Variants in CDH12 observed in about 807,000 individuals in gnomAD.
The protein encoded by CDH12 is cadherin 12, also known as cadherin-12.
CDH12 carries 41 observed loss-of-function variants against 74.1 expected under a neutral mutation model. The ratio of observed to expected loss-of-function variants is 0.55; its 90% confidence interval spans 0.43 to 0.72. The LOEUF (loss-of-function observed/expected upper bound fraction) is 0.72. CDH12 is among the 30% of genes least tolerant of loss of function. The pLI is 0.00. For synonymous variants in CDH12, 399 were observed against 355.0 expected, an observed-to-expected ratio of 1.12 and a Z score of -1.39; for missense variants, 945 against 977.2, an observed-to-expected ratio of 0.97 and a Z score of 0.44.
chr5:21,972,282 C>T (rs1286962728), intron 6 of CDH12, among the ~76,000 whole-genome samples: 1 of 152,028 alleles, frequency 6.6e-6, no homozygotes, highest in African/African-American at 2.4e-5. Context: ...AACAGAAGCA[C>T]TCTCAATTAT....
Position 22,741,157 on chromosome 5 carries a change from G to C in CDH12, c.-523+111901C>G, listed in dbSNP as rs1479404147. Among the ~76,000 whole-genome samples the C allele has an allele frequency of 3.3e-5, 5 of 152,178 alleles. No homozygotes were observed. The Middle Eastern group carries it at 0.017, about 521-fold the overall frequency. On this transcript the variant is annotated intron_variant, in intron 1 of 14. Coordinates refer to ENST00000382254, the MANE Select transcript of CDH12 (RefSeq NM_004061.5). ...CTTGGACTGAATCATCCTCTCTAAAGGTAAGTCTACTTGAAGGAAAATTTT... is the reference window on the plus strand; with the variant it reads ...CTTGGACTGAATCATCCTCTCTAAACGTAAGTCTACTTGAAGGAAAATTTT...
At chr5:22,305,454 C>G (rs939770672) in intron 3 of CDH12, among the ~76,000 whole-genome samples, 1 of 152,032 alleles carries the variant, frequency 6.6e-6, no homozygotes, top group African/African-American at 2.4e-5. Flanking sequence ...GAGAAAGAAA[C>G]AAGATTGGGC....
At position 22,316,949 on chromosome 5, in the gene CDH12, C is replaced by G. The variant is rs1005508226; in HGVS notation, c.-333+88308G>C. ...CATGGTATCATAACATTTCATGTGT[C>G]CAGATATCAGGAGGAATATTGCTAC... is the stretch of plus-strand genomic sequence containing the variant. On this transcript the variant is annotated intron_variant, in intron 3 of 14. Coordinates refer to ENST00000382254, the MANE Select transcript of CDH12 (RefSeq NM_004061.5). Among the ~76,000 whole-genome samples, 89 of 151,970 alleles carry G rather than the reference C, an allele frequency of 5.9e-4. 1 individual carries two copies. Among genetic ancestry groups the G allele is most frequent in the African/African-American group, 2.1e-3 (86 of 41,336 alleles).
intron 1 of CDH12, among the ~76,000 whole-genome samples, chr5:22,776,757 A>C (rs1747124111): frequency 6.6e-6 from 1 of 152,174 alleles, no homozygotes; most frequent in South Asian, 2.1e-4. Context: ...TTCAGTTTAC[A>C]ACCTTATGTC....
intron 5 of CDH12, among the ~76,000 whole-genome samples, chr5:22,073,731 T>G (rs1284762040): frequency 6.6e-6 from 1 of 152,130 alleles, no homozygotes; most frequent in African/African-American, 2.4e-5. Flanking sequence ...AGTTTGTGCT[T>G]TCTTGCAAGG....
chr5:22,789,893 T>A (rs2126378930), intron 1 of CDH12, among the ~76,000 whole-genome samples: 1 of 152,058 alleles, frequency 6.6e-6, no homozygotes, highest in South Asian at 2.1e-4. Context: ...TTTCTTAAGT[T>A]ACTTTTTCTG....
intron 4 of CDH12, among the ~76,000 whole-genome samples, chr5:22,184,607 T>C (rs555372590): frequency 1.3e-5 from 2 of 152,192 alleles, no homozygotes; most frequent in Non-Finnish European, 2.9e-5. Flanking sequence ...CAGCAAATGC[T>C]GAGAAAGAAA....
chr5:22,323,419 T>C (rs181689425), intron 3 of CDH12, among the ~76,000 whole-genome samples: 359 of 152,324 alleles, frequency 2.4e-3, no homozygotes, highest in Non-Finnish European at 3.8e-3. Context: ...ATTACTTTTA[T>C]ACATTTACTT....
chr5:21,751,609 A>AAAGAGTGTGTGTGTGTGTGT lies in CDH12; in HGVS notation c.*127_*128insACACACACACACACACTCTT, dbSNP rs1554025828. The AAAGAGTGTGTGTGTGTGTGT allele has an allele frequency of 3.6e-6, 2 of 556,124 alleles. No individual in the cohort carries two copies. Among genetic ancestry groups the AAAGAGTGTGTGTGTGTGTGT allele is most frequent in the African/African-American group, 5.0e-5 (2 of 39,852 alleles). The allele number at this position is 556,124 out of a possible 1,614,324, so 34.4% of individuals were successfully genotyped here. On this transcript the variant is annotated 3_prime_UTR_variant, in exon 15 of 15. Coordinates refer to ENST00000382254, the MANE Select transcript of CDH12 (RefSeq NM_004061.5). Reference sequence around the variant, plus strand: ...GGTAATCAAAGGAATCTTGTCCCAGAGTGTGTGTGTGTGTGTGTGTGTTTG... The same window carrying AAAGAGTGTGTGTGTGTGTGT: ...GGTAATCAAAGGAATCTTGTCCCAGAAAGAGTGTGTGTGTGTGTGTGTGTGTGTGTGTGTGTGTGTGTTTG...
intron 1 of CDH12, among the ~76,000 whole-genome samples, chr5:22,511,441 G>C (rs919615142): frequency 1.1e-4 from 16 of 151,386 alleles, no homozygotes; most frequent in Non-Finnish European, 1.6e-4. Context: ...TTTACAAAAA[G>C]AAAAAAACAG....
At chr5:22,181,555 C>T (rs1039218633) in intron 4 of CDH12, among the ~76,000 whole-genome samples, 1 of 152,132 alleles carries the variant, frequency 6.6e-6, no homozygotes, top group Non-Finnish European at 1.5e-5. Context: ...ATTTATATTT[C>T]AATCTCGGGC....
At chr5:22,207,231 G>A (rs28614102) in intron 4 of CDH12, among the ~76,000 whole-genome samples, 169 of 111,014 alleles carry the variant, frequency 1.5e-3, no homozygotes, top group East Asian at 1.8e-3. Context: ...AAAAAAAAAA[G>A]AAAAAAAAAA....
intron 2 of CDH12, among the ~76,000 whole-genome samples, chr5:22,433,892 C>G (rs1264872525): frequency 6.6e-6 from 1 of 152,112 alleles, no homozygotes; most frequent in African/African-American, 2.4e-5. Flanking sequence ...AGAATCACAG[C>G]ATTTGAGAAC....
chr5:22,181,460 T>A (rs1248212797), intron 4 of CDH12, among the ~76,000 whole-genome samples: 1 of 152,188 alleles, frequency 6.6e-6, no homozygotes, highest in Admixed American at 6.5e-5. Flanking sequence ...TCTTTGCCTT[T>A]TTTTCTTAGA....
chr5:22,514,147 G>A (rs571386011), intron 1 of CDH12, among the ~76,000 whole-genome samples: 2 of 151,918 alleles, frequency 1.3e-5, no homozygotes, highest in South Asian at 2.1e-4. Context: ...TGAAAGATAA[G>A]TTGTCAAAAC....
In CDH12 at chr5:22,339,741, C is replaced by G. The variant is rs149116292; in HGVS notation, c.-333+65516G>C. Among the ~76,000 whole-genome samples the G allele has an allele frequency of 3.1e-3, 469 of 152,156 alleles. 2 individuals carry two copies. Among genetic ancestry groups the G allele is most frequent in the South Asian group, 5.6e-3 (27 of 4,804 alleles). On this transcript the variant is annotated intron_variant, in intron 3 of 14. Coordinates refer to ENST00000382254, the MANE Select transcript of CDH12 (RefSeq NM_004061.5). ...GATTTTAATGAACAATATTCACAAG[C>G]CTTTAGCAGGTCTTTGAAAAACAGG...
intron 3 of CDH12, among the ~76,000 whole-genome samples, chr5:22,220,989 A>C (rs1284935276): frequency 6.8e-6 from 1 of 147,412 alleles, no homozygotes; most frequent in African/African-American, 2.5e-5. Context: ...ACCTTCATCA[A>C]ATACACACAC....
intron 1 of CDH12, among the ~76,000 whole-genome samples, chr5:22,743,794 C>T (rs1375203158): frequency 6.6e-6 from 1 of 151,932 alleles, no homozygotes; most frequent in Non-Finnish European, 1.5e-5. Context: ...CCTGTTAAAA[C>T]TGTCGAAGTC....
chr5:22,276,536 T>C (rs559317666), intron 3 of CDH12, among the ~76,000 whole-genome samples: 88 of 152,298 alleles, frequency 5.8e-4, no homozygotes, highest in African/African-American at 1.9e-3. Flanking sequence ...AAATGTACCA[T>C]GTATGTGATG....
Sources: gnomAD v4.1 joint callset for allele counts (sites outside exome capture counted in the v4.1 genomes callset) on GRCh38, gnomAD v4.1.1 for gene constraint, MANE v1.5 for transcripts, NCBI Gene and HGNC (gene_info 2026-07-23, HGNC 2026-07-21) for gene names.